SYNE2: variants seen among roughly 807,000 people sequenced by gnomAD.
SYNE2 encodes spectrin repeat containing nuclear envelope protein 2.
Under a neutral mutation model 856.3 loss-of-function variants are expected in SYNE2, and 431 were observed. That is an observed-to-expected ratio of 0.50 (90% confidence interval 0.47 to 0.55). SYNE2 has a LOEUF of 0.55. Among genes scored for constraint, SYNE2 ranks in the 20% least tolerant of loss-of-function variants. The pLI, the probability that SYNE2 is intolerant of heterozygous loss-of-function variation, is 0.00. For missense variants in SYNE2, 8,129 were observed against 8,023.2 expected (o/e 1.01, Z -0.50); for synonymous variants, 2,923 against 2,872.3 (o/e 1.02, Z -0.56).
chr14:63,829,966 A>C (rs1305040728), intron 1 of SYNE2, among the ~76,000 whole-genome samples: 2 of 152,162 alleles, frequency 1.3e-5, no homozygotes, highest in Non-Finnish European at 2.9e-5. Flanking sequence ...GCAAATGCCT[A>C]TCAACCAATT....
chr14:64,223,513 GC>G lies in SYNE2; in HGVS notation c.20382+136del, dbSNP rs2098704203. On this transcript the variant is annotated intron_variant, in intron 113 of 115. Coordinates refer to ENST00000555002, the MANE Select transcript of SYNE2 (RefSeq NM_182914.3). ...TGGTCCGAGTGGGGCCTCATGTCGT[GC>G]CCTTTTTCTAGCTGTGTGGACTTAA... 12 of 919,822 alleles carry G rather than the reference GC, an allele frequency of 1.3e-5. No individual in the cohort carries two copies. The South Asian group carries it at 1.6e-4, about 12-fold the overall frequency. The allele number at this position is 919,822 out of a possible 1,614,324, so 57.0% of individuals were successfully genotyped here. A position where few individuals can be genotyped will look rare whatever the true frequency, so the allele number is the denominator to read the frequency against.
rs10673123 is a variant in SYNE2 at position 63,919,972 on chromosome 14, G to GTTTTTT, written c.79+10759_79+10764dup. 9.3e-3 allele frequency among the ~76,000 whole-genome samples: 1,031 copies of GTTTTTT among 110,560 alleles called. 44 individuals carry two copies. The highest frequency in any genetic ancestry group is 0.036 in the African/African-American group (953 of 26,114). 72.5% of individuals were successfully genotyped at this position (110,560 alleles called of 152,430 possible). On this transcript the variant is annotated intron_variant, in intron 2 of 115. Coordinates refer to ENST00000555002, the MANE Select transcript of SYNE2 (RefSeq NM_182914.3). ...ATATCAGGCACATGATAAAAGGTAA[G>GTTTTTT]TTTTTTTTTTTTTTTTTTTAAGGTA...
chr14:63,864,013 G>T (rs908997827), intron 1 of SYNE2, among the ~76,000 whole-genome samples: 2 of 151,950 alleles, frequency 1.3e-5, no homozygotes, highest in African/African-American at 4.8e-5. Flanking sequence ...CGTAGAAACG[G>T]GGTTAGCCAG....
intron 31 of SYNE2, among the ~76,000 whole-genome samples, chr14:64,008,457 T>C (rs1011919853): frequency 1.3e-5 from 2 of 152,166 alleles, no homozygotes; most frequent in Non-Finnish European, 2.9e-5. Context: ...TCCTGCAGAG[T>C]TGGGGCTAGT....
At chr14:64,203,474 C>G (rs2140005658) in intron 100 of SYNE2, among the ~76,000 whole-genome samples, 1 of 152,290 alleles carries the variant, frequency 6.6e-6, no homozygotes, top group Non-Finnish European at 1.5e-5. Flanking sequence ...ATCAGATATG[C>G]ATGCTCTGAG....
Position 64,163,477 on chromosome 14 carries a change from C to T in SYNE2, c.16375C>T (p.Pro5459Ser). 1.9e-6 allele frequency: 3 copies of T among 1,614,196 alleles called. No individual in the cohort carries two copies. The highest frequency in any genetic ancestry group is 2.5e-6 in the Non-Finnish European group (3 of 1,180,038). ...CAGTGTCCTGGATCGACTCCCACAA[C>T]CCGCAGAGTCCAGCACCCACATGCT... is the stretch of plus-strand genomic sequence containing the variant. ...NSSVLDRLPQ[P>S]AESSTHMLLP... is the part of the protein sequence containing the mutation. The change falls in exon 89 of 116, where the codon CCC becomes TCC. Residue 5459 changes from proline (P) to serine (S), a missense_variant. This residue lies in a region of SYNE2 where 5,410 missense variants were observed against 5,284.8 expected (regional missense o/e 1.02). Transcript: ENST00000555002.
At chr14:63,857,905 A>T (rs997760052) in intron 1 of SYNE2, among the ~76,000 whole-genome samples, 3 of 152,140 alleles carry the variant, frequency 2.0e-5, no homozygotes, top group Admixed American at 2.0e-4. Flanking sequence ...GTCTTATCTT[A>T]GTCCATTTTG....
At chr14:63,940,493 A>G (rs1018511310) in intron 2 of SYNE2, 121 bp from the exon 3 acceptor site, 26 of 880,032 alleles carry the variant, frequency 3.0e-5, no homozygotes, top group Non-Finnish European at 4.3e-5. Flanking sequence ...TAAATCCTGG[A>G]AAGTTTGTAA....
At chr14:63,816,491 A>T (rs1012681525) in intron 1 of SYNE2, among the ~76,000 whole-genome samples, 1 of 152,116 alleles carries the variant, frequency 6.6e-6, no homozygotes, top group African/African-American at 2.4e-5. Context: ...ATACTGAATA[A>T]CAGCAGGAGC....
At chr14:64,062,090 A>AT (rs2097321921) in intron 49 of SYNE2, among the ~76,000 whole-genome samples, 1 of 152,136 alleles carries the variant, frequency 6.6e-6, no homozygotes, top group South Asian at 2.1e-4. Context: ...AGTGTTTTAA[A>AT]ATATATATGC....
intron 1 of SYNE2, among the ~76,000 whole-genome samples, chr14:63,892,253 T>C (rs1423325148): frequency 6.6e-6 from 1 of 152,078 alleles, no homozygotes; most frequent in Non-Finnish European, 1.5e-5. Flanking sequence ...CCTGCATGAT[T>C]TTCCCCGAGC....
chr14:64,048,217 A>G, intron 46 of SYNE2, 62 bp downstream of exon 46: 2 of 1,551,128 alleles, frequency 1.3e-6, no homozygotes, highest in Non-Finnish European at 1.8e-6. Flanking sequence ...AATACAATAT[A>G]TTTTAATTGC....
chr14:63,767,311 T>C (rs1886721366), intron 1 of SYNE2, among the ~76,000 whole-genome samples: 1 of 151,966 alleles, frequency 6.6e-6, no homozygotes, highest in Non-Finnish European at 1.5e-5. Flanking sequence ...GGTTTCACCA[T>C]GTTGTCTAGG....
chr14:63,930,377 A>G (rs575873720), intron 2 of SYNE2, among the ~76,000 whole-genome samples: 4 of 151,952 alleles, frequency 2.6e-5, no homozygotes, highest in African/African-American at 9.6e-5. Context: ...GTTATATTTC[A>G]ATAAAACAGT....
At chr14:63,985,022 A>G (rs995921215) in intron 18 of SYNE2, among the ~76,000 whole-genome samples, 2 of 152,158 alleles carry the variant, frequency 1.3e-5, no homozygotes, top group Non-Finnish European at 2.9e-5. Context: ...TAAAACAGTG[A>G]TCTGATTAAA....
At chr14:63,811,974 G>C (rs1040884311) in intron 1 of SYNE2, among the ~76,000 whole-genome samples, 1 of 152,062 alleles carries the variant, frequency 6.6e-6, no homozygotes. Flanking sequence ...TCCTGATAAG[G>C]GTCTATGTTC....
Position 64,025,289 on chromosome 14 carries a change from C to T in SYNE2, c.6120C>T (p.Pro2040=), listed in dbSNP as rs1468232628. 3.7e-6 allele frequency: 6 copies of T among 1,614,064 alleles called. No homozygotes were observed. Among genetic ancestry groups the T allele is most frequent in the Non-Finnish European group, 5.1e-6 (6 of 1,179,990 alleles). ...TCGAGGAAGAGGATAAGTTACTACC[C>T]ACAGAGGACCAGAGCTTTAATGATC... The part of the protein sequence containing the change: ...SEIEEEDKLL[P]TEDQSFNDLA... The change falls in exon 41 of 116, where the codon CCC becomes CCT. Residue 2040 remains proline, a synonymous_variant. Coordinates refer to ENST00000555002, the MANE Select transcript of SYNE2 (RefSeq NM_182914.3).
chr14:64,064,849 T>C (rs577836998), intron 50 of SYNE2, among the ~76,000 whole-genome samples: 53 of 123,288 alleles, frequency 4.3e-4, no homozygotes, highest in South Asian at 1.4e-3. Flanking sequence ...CAGCCACTTA[T>C]AGACTTTTTT....
At chr14:63,918,218 A>G (rs1266798856) in intron 2 of SYNE2, among the ~76,000 whole-genome samples, 3 of 152,248 alleles carry the variant, frequency 2.0e-5, no homozygotes, top group Non-Finnish European at 4.4e-5. Context: ...AGAAGTTAAT[A>G]TAGTATGTTA....
Sources: gnomAD v4.1 joint callset for allele counts (sites outside exome capture counted in the v4.1 genomes callset) on GRCh38, gnomAD v4.1.1 for gene constraint, gnomAD v4.1.1 regional missense constraint, MANE v1.5 for transcripts, NCBI Gene and HGNC (gene_info 2026-07-23, HGNC 2026-07-21) for gene names.